ARID3A: variants seen among roughly 807,000 people sequenced by gnomAD.
ARID3A encodes the protein AT-rich interaction domain 3A, also known as AT-rich interactive domain-containing protein 3A.
In ARID3A, 11 loss-of-function variants were observed where a neutral mutation model predicts 52.7. That is an observed-to-expected ratio of 0.21 (90% CI 0.13 to 0.35). ARID3A has a LOEUF of 0.35. Ranked by LOEUF, ARID3A falls within the 10% of genes least tolerant of loss-of-function variation. The pLI is 1.00. For synonymous variants in ARID3A, 404 were observed against 359.4 expected, an observed-to-expected ratio of 1.12 and a Z score of -1.40; for missense variants, 721 against 838.5, an observed-to-expected ratio of 0.86 and a Z score of 1.73.
In ARID3A at chr19:971,963, C is replaced by T. The variant is rs751013219; in HGVS notation, c.1680C>T (p.Asn560=). The T allele has an allele frequency of 2.5e-5, 40 of 1,601,272 alleles. 1 individual carries two copies. The highest frequency in any genetic ancestry group is 2.2e-4 in the South Asian group (20 of 90,316). ...GCGGCGGCGGCGGCAGCAGCAGCAA[C>T]GCAGGCGGCCGGGGAGGAAACACCG... is the stretch of plus-strand genomic sequence containing the variant. The part of the protein sequence containing the change: ...GGGGGGGSSS[N]AGGRGGNTGT... The change falls in exon 9 of 9, where the codon AAC becomes AAT. Residue 560 remains asparagine (N), a synonymous_variant. Coordinates refer to ENST00000263620, the MANE Select transcript of ARID3A (RefSeq NM_005224.3).
At position 965,058 on chromosome 19, in the gene ARID3A, C is replaced by A; in HGVS notation, c.1176C>A (p.Thr392=). Reference sequence around the variant, plus strand: ...CAAGCACCAATGGCAGCTCCATCACCCCCGCCCCTAAGATCAAGAAAGGTA... The same window carrying A: ...CAAGCACCAATGGCAGCTCCATCACACCCGCCCCTAAGATCAAGAAAGGTA... ...LAASTNGSSI[T]PAPKIKKEED... Residue 392 remains threonine, a synonymous_variant, in exon 6 of 9, where the codon ACC becomes ACA. Coordinates refer to ENST00000263620, the MANE Select transcript of ARID3A (RefSeq NM_005224.3). 6.2e-7 allele frequency: 1 copy of A among 1,611,460 alleles called. No homozygotes were observed. The highest frequency in any genetic ancestry group is 1.1e-5 in the South Asian group (1 of 90,902).
Position 964,495 on chromosome 19 carries a change from C to T in ARID3A, c.950+64C>T, listed in dbSNP as rs970130818. 3 of 1,497,502 alleles carry T rather than the reference C, an allele frequency of 2.0e-6. No individual in the cohort carries two copies. Among genetic ancestry groups the T allele is most frequent in the East Asian group, 2.5e-5 (1 of 40,516 alleles). 92.8% of individuals were successfully genotyped at this position (1,497,502 alleles called of 1,614,324 possible). A position where few individuals can be genotyped will look rare whatever the true frequency, so the allele number is the denominator to read the frequency against. ...ACTCTGAGCAGCCAGTGCAAGGGGC[C>T]TGCAGAAGAGGGAGGGGGTGGTGGG... On this transcript the variant is annotated intron_variant, in intron 5 of 8. Coordinates refer to ENST00000263620, the MANE Select transcript of ARID3A (RefSeq NM_005224.3). This position sits in a 1 kb window ranked among gnomAD's most constrained non-coding sequence, Gnocchi z 5.7.
intron 4 of ARID3A, among the ~76,000 whole-genome samples, chr19:962,696 G>T (rs939051924): frequency 1.3e-5 from 2 of 151,864 alleles, no homozygotes; most frequent in Non-Finnish European, 2.9e-5. Flanking sequence ...TGTATTTTTA[G>T]TAGAGACAGG....
At chr19:937,699 C>CTTTTTTT (rs951435776) in intron 3 of ARID3A, among the ~76,000 whole-genome samples, 9 of 90,800 alleles carry the variant, frequency 9.9e-5, no homozygotes, top group Admixed American at 1.5e-4. Context: ...TTATTGTCGA[C>CTTTTTTT]TTTTTTTTTT....
At chr19:932,205 C>G (rs1433344011) in intron 2 of ARID3A, among the ~76,000 whole-genome samples, 1 of 152,114 alleles carries the variant, frequency 6.6e-6, no homozygotes, top group Non-Finnish European at 1.5e-5. Flanking sequence ...GCTGTAGGGA[C>G]GGCTTGTGCT....
chr19:936,593 A>G (rs2037443700), intron 3 of ARID3A, among the ~76,000 whole-genome samples: 1 of 152,104 alleles, frequency 6.6e-6, no homozygotes. Context: ...CTGCAATCCC[A>G]GCACTTTGGG....
At chr19:970,352 A>G (rs985584207) in intron 8 of ARID3A, among the ~76,000 whole-genome samples, 1 of 152,092 alleles carries the variant, frequency 6.6e-6, no homozygotes, top group African/African-American at 2.4e-5. Context: ...TTTAATTAAA[A>G]AAGTGGAGTC....
At chr19:932,774 G>C in intron 3 of ARID3A, 32 bp downstream of exon 3, 1 of 1,545,638 alleles carries the variant, frequency 6.5e-7, no homozygotes, top group Non-Finnish European at 8.7e-7. Context: ...GGCGGCTGAG[G>C]CACCTGCTCC....
intron 3 of ARID3A, among the ~76,000 whole-genome samples, chr19:937,831 C>T (rs1330686051): frequency 2.6e-5 from 4 of 151,548 alleles, no homozygotes; most frequent in South Asian, 2.1e-4. Context: ...CTCAGCCTCC[C>T]GAGTAGCTGG....
At chr19:952,338 A>AGGCTGAG (rs1464095625) in intron 3 of ARID3A, among the ~76,000 whole-genome samples, 1 of 142,024 alleles carries the variant, frequency 7.0e-6, no homozygotes, top group African/African-American at 2.6e-5. Context: ...ACTACTCCAG[A>AGGCTGAG]GGCTGAGGCA....
At chr19:948,795 C>T (rs576343940) in intron 3 of ARID3A, among the ~76,000 whole-genome samples, 41 of 150,982 alleles carry the variant, frequency 2.7e-4, no homozygotes, top group Non-Finnish European at 3.8e-4. Context: ...CTGCAACCTC[C>T]GCCTCCCGGA....
At chr19:962,131 C>T (rs530760585) in intron 4 of ARID3A, among the ~76,000 whole-genome samples, 9 of 152,184 alleles carry the variant, frequency 5.9e-5, no homozygotes, top group Non-Finnish European at 8.8e-5. Flanking sequence ...GCTTCCTGCT[C>T]TGTAATGGGG....
At chr19:968,811 G>C in intron 8 of ARID3A, 2 of 219,752 alleles carry the variant, frequency 9.1e-6, no homozygotes, top group Non-Finnish European at 9.0e-6. Context: ...AGCACACCTG[G>C]TTAATTTTTA....
intron 3 of ARID3A, among the ~76,000 whole-genome samples, chr19:955,312 C>T (rs1317363453): frequency 1.3e-5 from 2 of 152,184 alleles, no homozygotes; most frequent in Non-Finnish European, 2.9e-5. Context: ...GCCCAGGCGG[C>T]CTTTACTGCT....
intron 2 of ARID3A, among the ~76,000 whole-genome samples, chr19:931,015 T>C (rs1239041022): frequency 6.8e-6 from 1 of 148,002 alleles, no homozygotes; most frequent in Non-Finnish European, 1.5e-5. Context: ...GCAAAGATGC[T>C]GGGCGCAGTG....
chr19:932,410 C>T lies in ARID3A; in HGVS notation c.369-8C>T, dbSNP rs561115181. On this transcript the variant is annotated splice_polypyrimidine_tract_variant and splice_region_variant and intron_variant, in intron 2 of 8. Coordinates refer to ENST00000263620, the MANE Select transcript of ARID3A (RefSeq NM_005224.3). ...TCTCCCCTGACTCCTGCCCTCTGCT[C>T]ACCCCAGGAAGCCCAAATGGGAGGA... 4 of 1,594,030 alleles carry T rather than the reference C, an allele frequency of 2.5e-6. No homozygotes were observed. The highest frequency in any genetic ancestry group is 1.4e-5 in the African/African-American group (1 of 72,994).
chr19:947,889 C>G lies in ARID3A; in HGVS notation c.694-12203C>G, dbSNP rs531677861. Among the ~76,000 whole-genome samples, 2 of 152,340 alleles carry G rather than the reference C, an allele frequency of 1.3e-5. No homozygotes were observed. Among genetic ancestry groups the G allele is most frequent in the South Asian group, 2.1e-4 (1 of 4,826 alleles). On this transcript the variant is annotated intron_variant, in intron 3 of 8. Coordinates refer to ENST00000263620, the MANE Select transcript of ARID3A (RefSeq NM_005224.3). This position sits in a 1 kb window ranked among gnomAD's most constrained non-coding sequence, Gnocchi z 6.3. ...CCACGCCCGGCGGGGCTCTCAGCAT[C>G]TGCATCCGCCGAGGCCTGGCTGTGC...
intron 7 of ARID3A, among the ~76,000 whole-genome samples, chr19:967,101 T>C (rs2038175072): frequency 6.6e-6 from 1 of 151,654 alleles, no homozygotes; most frequent in East Asian, 1.9e-4. Flanking sequence ...CTACTAAAAA[T>C]ACAACAAATT....
At chr19:950,614 A>G (rs905585323) in intron 3 of ARID3A, among the ~76,000 whole-genome samples, 1 of 152,172 alleles carries the variant, frequency 6.6e-6, no homozygotes, top group African/African-American at 2.4e-5. Context: ...TGGGAGCAGT[A>G]GGGAGCCACG....
Sources: allele counts gnomAD v4.1 joint callset (sites outside exome capture counted in the v4.1 genomes callset), GRCh38; gene constraint gnomAD v4.1.1; non-coding constraint Gnocchi (gnomAD v3.1); transcripts MANE v1.5; gene names NCBI Gene and HGNC (gene_info 2026-07-23, HGNC 2026-07-21).